Variants in DNAAF6 observed in about 807,000 individuals in gnomAD.
DNAAF6 encodes PIH1 domain containing 3.
DNAAF6 carries 3 observed loss-of-function variants against 13.7 expected under a neutral mutation model. The observed-to-expected ratio is 0.22, with a 90% confidence interval of 0.10 to 0.56. DNAAF6 has a LOEUF of 0.56. Among genes scored for constraint, DNAAF6 ranks in the 20% least tolerant of loss-of-function variants. DNAAF6 has a pLI of 0.92. For synonymous variants in DNAAF6, 54 were observed against 49.2 expected (o/e 1.10, Z -0.41); for missense variants, 130 against 151.0 (o/e 0.86, Z 0.73).
chrX:107,235,434 A>C (rs1928491753), intron 5 of DNAAF6, among the ~76,000 whole-genome samples: 1 of 111,263 alleles, frequency 9.0e-6, no homozygotes, highest in Non-Finnish European at 1.9e-5. Context: ...AGTGTAATCT[A>C]TGAGGCTACA....
chrX:107,234,278 A>G (rs1390087884), intron 5 of DNAAF6, among the ~76,000 whole-genome samples: 1 of 112,681 alleles, frequency 8.9e-6, no homozygotes, highest in Non-Finnish European at 1.9e-5. Flanking sequence ...ACATACCTCT[A>G]TATTTTTATC....
Position 107,238,950 on chromosome X carries a change from C to T in DNAAF6, c.458C>T (p.Pro153Leu). Reference sequence around the variant, plus strand: ...AAAATTAAATTGCCAAATACAAACCCTTCTGATATTCAAATTGATATCCAG... The same window carrying T: ...AAAATTAAATTGCCAAATACAAACCTTTCTGATATTCAAATTGATATCCAG... ...VAKIKLPNTN[P>L]SDIQIDIQET... Residue 153 changes from proline to leucine, a missense_variant, in exon 6 of 7, where the codon CCT (proline) becomes CTT (leucine). Transcript: ENST00000372453. 8.3e-7 allele frequency: 1 copy of T among 1,210,429 alleles called. No homozygotes were observed. The highest frequency in any genetic ancestry group is 1.1e-6 in the Non-Finnish European group (1 of 894,989).
chrX:107,219,282 A>C (rs751274198), intron 4 of DNAAF6, among the ~76,000 whole-genome samples: 1 of 112,171 alleles, frequency 8.9e-6, no homozygotes, highest in South Asian at 3.7e-4. Context: ...AGCCCATTAA[A>C]TTGCAAGCAT....
intron 1 of DNAAF6, among the ~76,000 whole-genome samples, chrX:107,210,789 T>G (rs1390157624): frequency 9.0e-6 from 1 of 111,340 alleles, no homozygotes; most frequent in Non-Finnish European, 1.9e-5. Flanking sequence ...AAAGGAAGAA[T>G]GCACTCCAAG....
At chrX:107,215,545 C>T (rs1927958835) in intron 2 of DNAAF6, among the ~76,000 whole-genome samples, 1 of 111,870 alleles carries the variant, frequency 8.9e-6, no homozygotes, top group African/African-American at 3.2e-5. Flanking sequence ...TTTGAAACAC[C>T]TTTTGGAAAG....
chrX:107,242,796 A>G (rs1380000835), intron 6 of DNAAF6, among the ~76,000 whole-genome samples: 1 of 111,845 alleles, frequency 8.9e-6, no homozygotes, highest in African/African-American at 3.2e-5. Context: ...AGCCATTCCA[A>G]TTTTCAAATT....
chrX:107,208,540 A>AT (rs528467758), intron 1 of DNAAF6, among the ~76,000 whole-genome samples: 4,111 of 100,189 alleles, frequency 0.041, 196 homozygotes, highest in African/African-American at 0.13. Flanking sequence ...AAAAGACGCA[A>AT]TTTTTTTTTT....
Position 107,228,430 on chromosome X carries a change from T to C in DNAAF6, c.429+5589T>C, listed in dbSNP as rs149675255. On this transcript the variant is annotated intron_variant, in intron 5 of 6. Coordinates refer to ENST00000372453, the MANE Select transcript of DNAAF6 (RefSeq NM_173494.2). ...GAAGGAGGCAGGATTTAGGGGAGTTTTTTTAAGACAGGAGAGATTTATGTA... is the reference window on the plus strand; with the variant it reads ...GAAGGAGGCAGGATTTAGGGGAGTTCTTTTAAGACAGGAGAGATTTATGTA... 6.4e-3 allele frequency among the ~76,000 whole-genome samples: 711 copies of C among 110,330 alleles called. 6 individuals carry two copies. The highest frequency in any genetic ancestry group is 0.022 in the African/African-American group (667 of 30,264).
intron 6 of DNAAF6, among the ~76,000 whole-genome samples, chrX:107,242,865 G>A (rs1456812544): frequency 9.0e-6 from 1 of 111,700 alleles, no homozygotes; most frequent in Non-Finnish European, 1.9e-5. Context: ...GATCTGTCCA[G>A]CAAACTTAAA....
chrX:107,233,362 A>C, intron 5 of DNAAF6, among the ~76,000 whole-genome samples: 1 of 111,242 alleles, frequency 9.0e-6, no homozygotes, highest in Non-Finnish European at 1.9e-5. Context: ...GACCACCTAA[A>C]ATCTACTCTT....
At chrX:107,222,636 G>T in intron 4 of DNAAF6, 109 bp from the exon 5 acceptor site, 1 of 967,717 alleles carries the variant, frequency 1.0e-6, no homozygotes, top group Non-Finnish European at 1.4e-6. Context: ...TATTTGTTTA[G>T]TCCTTTTATT....
chrX:107,212,946 A>C lies in DNAAF6; in HGVS notation c.71A>C (p.Glu24Ala). 1 of 1,208,277 alleles carries C rather than the reference A, an allele frequency of 8.3e-7. No homozygotes were observed. The highest frequency in any genetic ancestry group is 1.1e-6 in the Non-Finnish European group (1 of 893,999). Residue 24 changes from glutamate to alanine, a missense_variant, in exon 2 of 7, where the codon GAG (glutamate) becomes GCG (alanine). By Grantham distance (107) the Glu-to-Ala change is moderately radical (BLOSUM62 -1). Transcript: ENST00000372453. ...ATGGAATCTCAAAATGTAGACTTTG[A>C]GAGTGTTTCTTCAGTTACAGCTCTG... is the stretch of plus-strand genomic sequence containing the variant. The part of the protein sequence containing the change: ...ENMESQNVDF[E>A]SVSSVTALEA...
chrX:107,213,050 G>A, intron 2 of DNAAF6, 22 bp downstream of exon 2: 1 of 1,157,674 alleles, frequency 8.6e-7, no homozygotes, highest in South Asian at 2.1e-5. Context: ...CTTAACAGTT[G>A]AATTAGTTTT....
intron 4 of DNAAF6, among the ~76,000 whole-genome samples, chrX:107,221,317 C>G (rs773336601): frequency 9.1e-6 from 1 of 109,709 alleles, no homozygotes; most frequent in South Asian, 4.0e-4. Flanking sequence ...CCCCCGGCCC[C>G]GCCCATTGTT....
At chrX:107,234,564 C>T (rs759560584) in intron 5 of DNAAF6, among the ~76,000 whole-genome samples, 2 of 111,953 alleles carry the variant, frequency 1.8e-5, no homozygotes, top group African/African-American at 6.5e-5. Flanking sequence ...AGCCTTCTTT[C>T]CTAAGAATCA....
intron 4 of DNAAF6, among the ~76,000 whole-genome samples, chrX:107,221,774 G>C (rs1928147850): frequency 9.0e-6 from 1 of 111,027 alleles, no homozygotes; most frequent in South Asian, 3.8e-4. Flanking sequence ...GCTGCTTATT[G>C]TTAGCCATGT....
At chrX:107,221,830 G>A (rs1016639687) in intron 4 of DNAAF6, among the ~76,000 whole-genome samples, 11 of 109,536 alleles carry the variant, frequency 1.0e-4, no homozygotes, top group Non-Finnish European at 2.1e-4. Flanking sequence ...ATTCCTATTG[G>A]CAAATGGTCA....
At chrX:107,221,347 C>G (rs755514005) in intron 4 of DNAAF6, among the ~76,000 whole-genome samples, 30 of 110,135 alleles carry the variant, frequency 2.7e-4, no homozygotes, top group Non-Finnish European at 2.8e-4. Context: ...CTCAACCTCC[C>G]GGGCTCAAGC....
chrX:107,243,442 C>A lies in DNAAF6; in HGVS notation c.*144C>A. ...AAATTCAGTTCTAGTGATATTGTGA[C>A]CATTTACAGTAATTTCTATTACTCT... On this transcript the variant is annotated 3_prime_UTR_variant, in exon 7 of 7. Transcript: ENST00000372453. The A allele has an allele frequency of 7.7e-6, 6 of 776,978 alleles. No individual in the cohort carries two copies. The highest frequency in any genetic ancestry group is 1.1e-5 in the Non-Finnish European group (6 of 566,509). 64.0% of individuals were successfully genotyped at this position (776,978 alleles called of 1,213,427 possible).
Sources: allele counts gnomAD v4.1 joint callset (sites outside exome capture counted in the v4.1 genomes callset), GRCh38; gene constraint gnomAD v4.1.1; transcripts MANE v1.5; gene names NCBI Gene and HGNC (gene_info 2026-07-23, HGNC 2026-07-21).